Variants in MAP3K13 observed in about 807,000 individuals in gnomAD.
MAP3K13 encodes the protein mitogen-activated protein kinase kinase kinase 13, also known as leucine zipper-bearing kinase.
In MAP3K13, 52 loss-of-function variants were observed where a neutral mutation model predicts 104.0. That is an observed-to-expected ratio of 0.50 (90% CI 0.40 to 0.63). The LOEUF (loss-of-function observed/expected upper bound fraction) is 0.63, where lower values mean the gene tolerates loss of function less well. Among genes scored for constraint, MAP3K13 ranks in the 20% least tolerant of loss-of-function variants. The pLI is 0.00. For synonymous variants in MAP3K13, 394 were observed against 442.2 expected (o/e 0.89, Z 1.37); for missense variants, 914 against 1,218.5 (o/e 0.75, Z 3.72).
At chr3:185,422,132 A>G (rs1177690046) in intron 1 of MAP3K13, among the ~76,000 whole-genome samples, 1 of 152,198 alleles carries the variant, frequency 6.6e-6, no homozygotes, top group Admixed American at 6.5e-5. Context: ...CCCGCTAGGT[A>G]GGCACTAGTG....
rs1257859181 is a variant in MAP3K13 at position 185,486,270 on chromosome 3, TTATGAG to T, written c.*3819_*3824del. The stretch of plus-strand genomic sequence containing the variant: ...TCATACACCTTATGTGGATTAACTG[TTATGAG>T]TATGTTAGGGTAGTACGTAGTGGCT... On this transcript the variant is annotated 3_prime_UTR_variant, in exon 14 of 14. Transcript: ENST00000265026. 6.6e-6 allele frequency: 1 copy of T among 152,234 alleles called. No individual in the cohort carries two copies. Among genetic ancestry groups the T allele is most frequent in the African/African-American group, 2.4e-5 (1 of 41,456 alleles). The allele number at this position is 152,234 out of a possible 1,614,324, so 9.4% of individuals were successfully genotyped here.
intron 1 of MAP3K13, among the ~76,000 whole-genome samples, chr3:185,422,575 C>G (rs1306093982): frequency 6.6e-6 from 1 of 152,048 alleles, no homozygotes; most frequent in African/African-American, 2.4e-5. Flanking sequence ...ATGAGCCCAT[C>G]CTAACATTAT....
intron 1 of MAP3K13, among the ~76,000 whole-genome samples, chr3:185,379,847 G>A (rs1368293804): frequency 6.6e-6 from 1 of 152,168 alleles, no homozygotes; most frequent in African/African-American, 2.4e-5. Flanking sequence ...TCAAAGTGTG[G>A]TCCGGGGACC....
At chr3:185,415,677 G>C (rs1462763841) in intron 1 of MAP3K13, among the ~76,000 whole-genome samples, 3 of 143,610 alleles carry the variant, frequency 2.1e-5, no homozygotes, top group African/African-American at 7.7e-5. Context: ...TTTGCCTCCC[G>C]GGCTCAAGAG....
chr3:185,323,751 C>T (rs2108698057), intron 2 of MAP3K13, among the ~76,000 whole-genome samples: 1 of 152,248 alleles, frequency 6.6e-6, no homozygotes, highest in African/African-American at 2.4e-5. Context: ...AGTTAATATT[C>T]ACGTACATGT....
At chr3:185,455,162 T>C (rs867906667) in intron 7 of MAP3K13, among the ~76,000 whole-genome samples, 5 of 49,790 alleles carry the variant, frequency 1.0e-4, no homozygotes, top group East Asian at 1.0e-3. Flanking sequence ...ATATATATGA[T>C]ATATATGAGA....
intron 3 of MAP3K13, among the ~76,000 whole-genome samples, chr3:185,441,778 A>G (rs1715335171): frequency 6.6e-6 from 1 of 152,130 alleles, no homozygotes; most frequent in Non-Finnish European, 1.5e-5. Flanking sequence ...GCGGTGGCTC[A>G]AGCCTGTAAT....
chr3:185,419,392 A>G (rs1034018564), intron 1 of MAP3K13, among the ~76,000 whole-genome samples: 2 of 152,212 alleles, frequency 1.3e-5, no homozygotes, highest in African/African-American at 4.8e-5. Flanking sequence ...ATCATTTTTC[A>G]TATCTGAAAA....
At chr3:185,400,641 A>G (rs2108776967) in intron 1 of MAP3K13, among the ~76,000 whole-genome samples, 2 of 152,326 alleles carry the variant, frequency 1.3e-5, no homozygotes, top group Admixed American at 1.3e-4. Flanking sequence ...GGCTGTGGTG[A>G]GAACTGATGT....
At chr3:185,365,590 T>G (rs1723832460) in intron 1 of MAP3K13, among the ~76,000 whole-genome samples, 1 of 152,168 alleles carries the variant, frequency 6.6e-6, no homozygotes, top group Non-Finnish European at 1.5e-5. Flanking sequence ...GATGACCAAT[T>G]CTGCCAGGTG....
upstream of MAP3K13, among the ~76,000 whole-genome samples, chr3:185,361,401 T>G (rs546195007): frequency 1.2e-4 from 18 of 151,488 alleles, no homozygotes; most frequent in Non-Finnish European, 2.2e-4. Flanking sequence ...TTTTGTTTTT[T>G]TTTTTTCTTT....
At chr3:185,304,879 C>A (rs6444045) in intron 2 of MAP3K13, among the ~76,000 whole-genome samples, 119,368 of 152,136 alleles carry the variant, frequency 0.78, 47,269 homozygotes, top group Non-Finnish European at 0.84. Context: ...TGATCCGCCC[C>A]CTTCGGCCTC....
intron 2 of MAP3K13, among the ~76,000 whole-genome samples, chr3:185,330,742 T>C (rs1722235283): frequency 6.6e-6 from 1 of 152,212 alleles, no homozygotes; most frequent in Non-Finnish European, 1.5e-5. Context: ...ACAATGTTTT[T>C]AACCTCCAGT....
At chr3:185,302,050 T>C (rs1337356943) in intron 2 of MAP3K13, among the ~76,000 whole-genome samples, 1 of 152,012 alleles carries the variant, frequency 6.6e-6, no homozygotes, top group African/African-American at 2.4e-5. Context: ...TAGGTCACTT[T>C]AGGTAGTATG....
chr3:185,340,361 CA>C (rs541709172), intron 2 of MAP3K13, among the ~76,000 whole-genome samples: 39 of 152,208 alleles, frequency 2.6e-4, no homozygotes, highest in African/African-American at 9.2e-4. Flanking sequence ...TGAGGCCATG[CA>C]GCCTAATAGG....
chr3:185,430,625 A>G (rs1233058783), intron 2 of MAP3K13, among the ~76,000 whole-genome samples: 1 of 152,230 alleles, frequency 6.6e-6, no homozygotes, highest in East Asian at 1.9e-4. Context: ...CGCAAAGGAC[A>G]AGATCTTGTA....
chr3:185,381,433 A>C (rs764019701), intron 1 of MAP3K13, among the ~76,000 whole-genome samples: 23 of 152,190 alleles, frequency 1.5e-4, no homozygotes, highest in Non-Finnish European at 2.6e-4. Flanking sequence ...CTCCCAAATC[A>C]ATACTCCTGG....
chr3:185,463,449 G>C (rs1988873935), intron 7 of MAP3K13, 101 bp from the exon 8 acceptor site: 1 of 657,912 alleles, frequency 1.5e-6, no homozygotes, highest in African/African-American at 1.8e-5. Context: ...AGGCTCTTCA[G>C]TAGAAGCATG....
At chr3:185,417,627 C>A in intron 1 of MAP3K13, 1 of 1,611,854 alleles carries the variant, frequency 6.2e-7, no homozygotes, top group Non-Finnish European at 8.5e-7. Context: ...CAACAGCAGC[C>A]TTCTTTCCTT....
Sources: gnomAD v4.1 joint callset for allele counts (sites outside exome capture counted in the v4.1 genomes callset) on GRCh38, gnomAD v4.1.1 for gene constraint, MANE v1.5 for transcripts, NCBI Gene and HGNC (gene_info 2026-07-23, HGNC 2026-07-21) for gene names.